The following BBOX1 variants were observed in gnomAD, a reference collection of about 807,000 sequenced individuals.
BBOX1 encodes gamma-butyrobetaine hydroxylase 1.
In BBOX1, 35 loss-of-function variants were observed where a neutral mutation model predicts 41.6. The observed-to-expected ratio is 0.84, with a 90% CI of 0.64 to 1.11. BBOX1 has a LOEUF of 1.11. Among genes scored for constraint, BBOX1 ranks in the 50% most tolerant of loss-of-function variants. The pLI is 0.00. For missense variants in BBOX1, 458 were observed against 460.6 expected, an observed-to-expected ratio of 0.99 and a Z score of 0.05; for synonymous variants, 163 against 154.7, an observed-to-expected ratio of 1.05 and a Z score of -0.40.
At chr11:27,123,591 G>T (rs987186008) in intron 7 of BBOX1, among the ~76,000 whole-genome samples, 1 of 152,122 alleles carries the variant, frequency 6.6e-6, no homozygotes, top group Non-Finnish European at 1.5e-5. Context: ...GAAGCAGTAG[G>T]GCTAGAATCT....
chr11:27,069,290 T>C (rs1857375528), intron 4 of BBOX1, among the ~76,000 whole-genome samples: 1 of 152,138 alleles, frequency 6.6e-6, no homozygotes, highest in Non-Finnish European at 1.5e-5. Context: ...AGAGAGATCT[T>C]TCATCTCCCT....
At chr11:27,049,173 T>G (rs1274539161) in intron 2 of BBOX1, among the ~76,000 whole-genome samples, 1 of 151,888 alleles carries the variant, frequency 6.6e-6, no homozygotes, top group Non-Finnish European at 1.5e-5. Context: ...CTATAATGAC[T>G]AAAATAATTT....
At chr11:27,050,400 G>A (rs999477513) in intron 2 of BBOX1, among the ~76,000 whole-genome samples, 4 of 152,018 alleles carry the variant, frequency 2.6e-5, no homozygotes, top group Non-Finnish European at 4.4e-5. Flanking sequence ...TGTCATTGGA[G>A]TTTTGATAGT....
chr11:27,098,634 C>A (rs1212539581), intron 5 of BBOX1, among the ~76,000 whole-genome samples: 1 of 152,056 alleles, frequency 6.6e-6, no homozygotes, highest in South Asian at 2.1e-4. Context: ...TTCAGACAAT[C>A]TTCTCTAAAA....
At chr11:27,071,181 T>C (rs1311141776) in intron 4 of BBOX1, among the ~76,000 whole-genome samples, 3 of 152,016 alleles carry the variant, frequency 2.0e-5, no homozygotes, top group Non-Finnish European at 4.4e-5. Flanking sequence ...AAGACCATCC[T>C]GGCTAACACA....
intron 2 of BBOX1, among the ~76,000 whole-genome samples, chr11:27,048,452 T>C (rs1590162894): frequency 1.4e-5 from 2 of 141,596 alleles, no homozygotes; most frequent in South Asian, 2.4e-4. Flanking sequence ...TTTTTTAAGG[T>C]TGAATAATAT....
At chr11:27,043,419 G>A (rs1851399292) in intron 2 of BBOX1, among the ~76,000 whole-genome samples, 1 of 151,518 alleles carries the variant, frequency 6.6e-6, no homozygotes, top group South Asian at 2.1e-4. Context: ...GAATGTGCAC[G>A]TTTGGGGTAC....
intron 4 of BBOX1, 42 bp from the exon 5 acceptor site, chr11:27,093,126 G>A: frequency 6.4e-7 from 1 of 1,573,324 alleles, no homozygotes; most frequent in Non-Finnish European, 8.7e-7. Context: ...TATGTAAAAA[G>A]AATGTAATCC....
At chr11:27,053,288 C>T (rs1169177809) in intron 2 of BBOX1, among the ~76,000 whole-genome samples, 1 of 152,166 alleles carries the variant, frequency 6.6e-6, no homozygotes, top group East Asian at 1.9e-4. Flanking sequence ...TGCATTTAAG[C>T]ATGATTGTAT....
At chr11:27,089,809 T>C (rs1288561255) in intron 4 of BBOX1, among the ~76,000 whole-genome samples, 1 of 152,040 alleles carries the variant, frequency 6.6e-6, no homozygotes, top group Non-Finnish European at 1.5e-5. Flanking sequence ...TTGTTATTCA[T>C]GCCCTTAACA....
Position 27,040,839 on chromosome 11 carries a change from T to C in BBOX1, c.-491T>C, listed in dbSNP as rs1243567090. On this transcript the variant is annotated 5_prime_UTR_variant, in exon 1 of 9. Coordinates refer to ENST00000263182, the MANE Select transcript of BBOX1 (RefSeq NM_003986.3). ...CATATTGGAATACTCTGTTGACAAG[T>C]AGATACCACTTCACCTCTGCTAGGG... 1.3e-5 allele frequency: 2 copies of C among 152,234 alleles called. No homozygotes were observed. Among genetic ancestry groups the C allele is most frequent in the Non-Finnish European group, 1.5e-5 (1 of 68,060 alleles). 9.4% of individuals were successfully genotyped at this position (152,234 alleles called of 1,614,324 possible).
rs765868683 is a variant in BBOX1, at chr11:27,040,835, C to T, written c.-495C>T. ...GGCTCATATTGGAATACTCTGTTGA[C>T]AAGTAGATACCACTTCACCTCTGCT... is the stretch of plus-strand genomic sequence containing the variant. On this transcript the variant is annotated 5_prime_UTR_variant, in exon 1 of 9. Transcript: ENST00000263182. The T allele has an allele frequency of 4.6e-5, 7 of 152,206 alleles. No individual in the cohort carries two copies. The highest frequency in any genetic ancestry group is 1.0e-4 in the Non-Finnish European group (7 of 68,056). The allele number at this position is 152,206 out of a possible 1,614,324, so 9.4% of individuals were successfully genotyped here.
intron 5 of BBOX1, among the ~76,000 whole-genome samples, chr11:27,112,269 G>A (rs983141442): frequency 1.3e-5 from 2 of 151,902 alleles, no homozygotes; most frequent in African/African-American, 4.8e-5. Flanking sequence ...GTCCTTGGAT[G>A]AACATTTGGT....
At chr11:27,059,068 A>C (rs1001387790) in intron 4 of BBOX1, among the ~76,000 whole-genome samples, 2 of 152,180 alleles carry the variant, frequency 1.3e-5, no homozygotes, top group Admixed American at 6.5e-5. Flanking sequence ...CTCCCATCAC[A>C]GACCCAGAGG....
At chr11:27,062,345 C>A (rs1211272560) in intron 4 of BBOX1, among the ~76,000 whole-genome samples, 1 of 152,176 alleles carries the variant, frequency 6.6e-6, no homozygotes, top group African/African-American at 2.4e-5. Context: ...GTTTTCCCAA[C>A]AAGGGCTCAG....
chr11:27,054,747 C>T (rs1446402995), intron 2 of BBOX1, among the ~76,000 whole-genome samples: 1 of 152,084 alleles, frequency 6.6e-6, no homozygotes, highest in African/African-American at 2.4e-5. Flanking sequence ...CTCAACAAAC[C>T]AAGCAAGTTT....
intron 5 of BBOX1, among the ~76,000 whole-genome samples, chr11:27,103,477 C>T (rs903043943): frequency 2.0e-5 from 3 of 152,078 alleles, no homozygotes; most frequent in Non-Finnish European, 2.9e-5. Flanking sequence ...TCTCTCAAAT[C>T]GTTTCTATTG....
At chr11:27,099,530 T>G (rs1273111000) in intron 5 of BBOX1, among the ~76,000 whole-genome samples, 2 of 152,028 alleles carry the variant, frequency 1.3e-5, no homozygotes, top group Non-Finnish European at 2.9e-5. Flanking sequence ...AGGCCACAAG[T>G]TTATAGTAGA....
At position 27,119,765 on chromosome 11, in the gene BBOX1, G is replaced by C. The variant is rs140561347; in HGVS notation, c.756G>C (p.Leu252Phe). The change falls in exon 7 of 9, where the codon TTG (leucine) becomes TTC (phenylalanine). Residue 252 changes from leucine to phenylalanine, a missense_variant. Transcript: ENST00000263182. ...ATAATCCTCAGGCATTCCAGATTTT[G>C]TCCTCTACCTTTGTGGACTTTACAG... ...KKNNPQAFQI[L>F]SSTFVDFTDI... The C allele has an allele frequency of 6.2e-7, 1 of 1,603,436 alleles. No homozygotes were observed. Among genetic ancestry groups the C allele is most frequent in the African/African-American group, 1.3e-5 (1 of 74,344 alleles).
Sources: gnomAD v4.1 joint callset for allele counts (sites outside exome capture counted in the v4.1 genomes callset) on GRCh38, gnomAD v4.1.1 for gene constraint, MANE v1.5 for transcripts, NCBI Gene and HGNC (gene_info 2026-07-23, HGNC 2026-07-21) for gene names.